Variants in OPN5 observed in about 807,000 individuals in gnomAD.
OPN5 encodes the protein opsin 5.
A neutral mutation model predicts 41.7 loss-of-function variants in OPN5; 18 were observed. The ratio of observed to expected loss-of-function variants is 0.43; its 90% CI spans 0.30 to 0.64. The LOEUF (loss-of-function observed/expected upper bound fraction) is 0.64. Ranked by LOEUF, OPN5 falls within the 30% of genes least tolerant of loss-of-function variation. OPN5 has a pLI of 0.13. For missense variants in OPN5, 318 were observed against 434.5 expected (o/e 0.73, Z 2.38); for synonymous variants, 178 against 164.3 (o/e 1.08, Z -0.64).
intron 6 of OPN5, among the ~76,000 whole-genome samples, chr6:47,813,104 C>CAAAAA (rs1762307662): frequency 6.3e-5 from 7 of 110,474 alleles, no homozygotes; most frequent in Admixed American, 5.0e-4. Flanking sequence ...ACAACAACAA[C>CAAAAA]AACAACAACA....
chr6:47,808,541 A>G, intron 5 of OPN5, 146 bp downstream of exon 5: 1 of 836,032 alleles, frequency 1.2e-6, no homozygotes, highest in South Asian at 1.8e-5. Flanking sequence ...CTGTTTATCA[A>G]AATTCCTGAA....
chr6:47,812,476 CTTG>C (rs1439428351), intron 6 of OPN5, among the ~76,000 whole-genome samples: 1 of 152,040 alleles, frequency 6.6e-6, no homozygotes, highest in Non-Finnish European at 1.5e-5. Flanking sequence ...TATTTGTTAG[CTTG>C]TTATTTCTTT....
chr6:47,818,232 A>G (rs1762488472), intron 6 of OPN5, among the ~76,000 whole-genome samples: 1 of 152,184 alleles, frequency 6.6e-6, no homozygotes, highest in Non-Finnish European at 1.5e-5. Flanking sequence ...CATTTGAAAA[A>G]TGAGCTAAAT....
chr6:47,807,823 G>T (rs1331440684), intron 4 of OPN5, among the ~76,000 whole-genome samples: 1 of 151,808 alleles, frequency 6.6e-6, no homozygotes, highest in Non-Finnish European at 1.5e-5. Context: ...AATGTGGGTT[G>T]AGAAGTCCAG....
chr6:47,782,219 T>C, intron 1 of OPN5, 23 bp downstream of exon 1: 2 of 1,607,608 alleles, frequency 1.2e-6, no homozygotes, highest in Non-Finnish European at 1.7e-6. Context: ...AATTCTTCTG[T>C]GCAAAGGCTG....
At position 47,813,890 on chromosome 6, in the gene OPN5, G is replaced by GA. The variant is rs532291655; in HGVS notation, c.1056+2164dup. Among the ~76,000 whole-genome samples the GA allele has an allele frequency of 4.0e-4, 61 of 151,978 alleles. 1 individual carries two copies. The East Asian group carries it at 0.012, about 29-fold the overall frequency. ...TGTAGATAACGGTGTCTACCGAGGG[G>GA]AAAAATACAGGAAAGTGAATGGGAT... On this transcript the variant is annotated intron_variant, in intron 6 of 6. Transcript: ENST00000371211.
downstream of OPN5, chr6:47,824,899 T>C (rs1762746560): frequency 6.6e-6 from 1 of 152,218 alleles, no homozygotes; most frequent in Non-Finnish European, 1.5e-5. Context: ...TCTTTCTTTT[T>C]ACTTTGTTGG....
At chr6:47,803,575 T>C (rs1274914541) in intron 4 of OPN5, among the ~76,000 whole-genome samples, 1 of 152,228 alleles carries the variant, frequency 6.6e-6, no homozygotes, top group Non-Finnish European at 1.5e-5. Context: ...CCCATTCTAA[T>C]TGGTTCTGTA....
intron 6 of OPN5, among the ~76,000 whole-genome samples, chr6:47,821,784 C>G (rs1459244293): frequency 6.6e-6 from 1 of 152,100 alleles, no homozygotes; most frequent in Non-Finnish European, 1.5e-5. Flanking sequence ...ATACATCCGA[C>G]TGTCTGTGGA....
intron 4 of OPN5, among the ~76,000 whole-genome samples, chr6:47,798,136 T>C (rs973408199): frequency 1.3e-5 from 2 of 152,090 alleles, no homozygotes; most frequent in Non-Finnish European, 2.9e-5. Flanking sequence ...TAAATGATAT[T>C]ATAGCACATA....
chr6:47,811,875 G>C (rs185386608), intron 6 of OPN5, 144 bp downstream of exon 6: 12 of 486,544 alleles, frequency 2.5e-5, no homozygotes, highest in Non-Finnish European at 4.4e-5. Context: ...GCCAGGGGTT[G>C]CTGGGAAATT....
At chr6:47,799,774 G>T (rs1043537234) in intron 4 of OPN5, among the ~76,000 whole-genome samples, 3 of 152,064 alleles carry the variant, frequency 2.0e-5, no homozygotes, top group Non-Finnish European at 2.9e-5. Flanking sequence ...ACCTTCTCAG[G>T]GTAGGTTACC....
At chr6:47,815,474 T>A (rs563932926) in intron 6 of OPN5, among the ~76,000 whole-genome samples, 2 of 152,226 alleles carry the variant, frequency 1.3e-5, no homozygotes, top group Admixed American at 6.5e-5. Flanking sequence ...GCTGGCATAA[T>A]GAAATGTCTT....
At chr6:47,799,112 T>C (rs1332218418) in intron 4 of OPN5, among the ~76,000 whole-genome samples, 1 of 151,996 alleles carries the variant, frequency 6.6e-6, no homozygotes, top group Non-Finnish European at 1.5e-5. Context: ...TTGTAGCTTT[T>C]TTCTAATTAA....
chr6:47,789,026 C>A (rs767626400), intron 2 of OPN5, among the ~76,000 whole-genome samples: 26 of 151,796 alleles, frequency 1.7e-4, no homozygotes, highest in Non-Finnish European at 3.2e-4. Flanking sequence ...AAAGTTTAAT[C>A]CAAAGCTCTA....
At chr6:47,808,498 C>G in intron 5 of OPN5, 103 bp downstream of exon 5, 2 of 1,266,928 alleles carry the variant, frequency 1.6e-6, no homozygotes, top group Non-Finnish European at 2.2e-6. Context: ...TAAAGCTCAT[C>G]GCCTAGGAGT....
intron 6 of OPN5, among the ~76,000 whole-genome samples, chr6:47,820,133 TAGAGAGAG>T (rs5876036): frequency 0.13 from 19,336 of 149,390 alleles, 1,306 homozygotes; most frequent in Middle Eastern, 0.16. Flanking sequence ...TCCTTTTGAA[TAGAGAGAG>T]AGAGAGAGAG....
At chr6:47,816,732 G>A (rs1198244724) in intron 6 of OPN5, among the ~76,000 whole-genome samples, 1 of 152,054 alleles carries the variant, frequency 6.6e-6, no homozygotes, top group East Asian at 1.9e-4. Context: ...TCTCAGTGTC[G>A]CTGGTTGTCC....
chr6:47,802,587 G>C (rs1054884726), intron 4 of OPN5, among the ~76,000 whole-genome samples: 10 of 152,106 alleles, frequency 6.6e-5, no homozygotes, highest in Non-Finnish European at 1.2e-4. Flanking sequence ...ATTGTTTAAA[G>C]GTCTCTGGCA....
Sources: gnomAD v4.1 joint callset for allele counts (sites outside exome capture counted in the v4.1 genomes callset) on GRCh38, gnomAD v4.1.1 for gene constraint, MANE v1.5 for transcripts, NCBI Gene and HGNC (gene_info 2026-07-23, HGNC 2026-07-21) for gene names.